The following NUP42 variants were observed in gnomAD, a reference collection of about 807,000 sequenced individuals.
NUP42 encodes the protein nucleoporin 42.
Under a neutral mutation model 35.9 loss-of-function variants are expected in NUP42, and 47 were observed. The observed-to-expected ratio is 1.31, with a 90% CI of 1.04 to 1.67. NUP42 has a LOEUF of 1.67. Among genes scored for constraint, NUP42 ranks in the 40% most tolerant of loss-of-function variants. The pLI is 0.00. For synonymous variants in NUP42, 173 were observed against 173.3 expected (o/e 1.00, Z 0.01); for missense variants, 514 against 492.2 (o/e 1.04, Z -0.42).
rs772427957 is a variant in NUP42, at chr7:23,200,234, T to A, written c.761T>A (p.Phe254Tyr). Residue 254 changes from phenylalanine to tyrosine, a missense_variant, in exon 7 of 7, where the codon TTT (phenylalanine) becomes TAT (tyrosine). Phe to Tyr is a conservative substitution (Grantham distance 22). Transcript: ENST00000258742. ...QNFSFKTNSG[F>Y]AAASSGSPAG... ...TTTAGTTTTAAAACAAACTCTGGAT[T>A]TGCTGCTGCCTCTTCTGGAAGCCCT... is the stretch of plus-strand genomic sequence containing the variant. The A allele has an allele frequency of 6.9e-6, 11 of 1,603,732 alleles. No homozygotes were observed. The African/African-American group carries it at 8.0e-5, about 12-fold the overall frequency.
intron 3 of NUP42, chr7:23,187,936 G>GTC (rs138098011): frequency 2.3e-4 from 111 of 479,054 alleles, no homozygotes; most frequent in East Asian, 6.8e-4. Flanking sequence ...AATATTCTCT[G>GTC]TCTCTCTCTC....
chr7:23,196,771 G>A lies in NUP42; in HGVS notation c.609+5G>A. 3.2e-6 allele frequency: 5 copies of A among 1,563,424 alleles called. No homozygotes were observed. Among genetic ancestry groups the A allele is most frequent in the Non-Finnish European group, 4.4e-6 (5 of 1,134,704 alleles). On this transcript the variant is annotated splice_donor_5th_base_variant and intron_variant, in intron 5 of 6. Coordinates refer to ENST00000258742, the MANE Select transcript of NUP42 (RefSeq NM_007342.3). ...ATATCAACTAAAGTAGCTTTGGTGA[G>A]TATGGGAGAGTTTTCTTGAGGGAAG...
At position 23,195,836 on chromosome 7, in the gene NUP42, C is replaced by T; in HGVS notation, c.446-3C>T. ...AAAGATTCCGATTGATTCCTCACTT[C>T]AGGTTTTACAGACATTTCACCAGAG... On this transcript the variant is annotated splice_polypyrimidine_tract_variant and splice_region_variant and intron_variant, in intron 3 of 6. Coordinates refer to ENST00000258742, the MANE Select transcript of NUP42 (RefSeq NM_007342.3). 2 of 1,587,766 alleles carry T rather than the reference C, an allele frequency of 1.3e-6. No homozygotes were observed. The highest frequency in any genetic ancestry group is 1.7e-6 in the Non-Finnish European group (2 of 1,162,336).
chr7:23,195,750 A>G, intron 3 of NUP42, 89 bp from the exon 4 acceptor site: 1 of 768,210 alleles, frequency 1.3e-6, no homozygotes, highest in South Asian at 1.7e-5. Context: ...TCTAATCAAC[A>G]TTAGATATTT....
At position 23,199,457 on chromosome 7, in the gene NUP42, G is replaced by A. The variant is rs768558485; in HGVS notation, c.610-1G>A. 10 of 1,608,342 alleles carry A rather than the reference G, an allele frequency of 6.2e-6. No homozygotes were observed. The Admixed American group carries it at 1.7e-4, about 27-fold the overall frequency. On this transcript the variant is annotated splice_acceptor_variant, in intron 5 of 6. Coordinates refer to ENST00000258742, the MANE Select transcript of NUP42 (RefSeq NM_007342.3). LOFTEE classifies it high-confidence loss of function. Reference sequence around the variant, plus strand: ...ATTATTTGCACACTTTTTTTTTTCAGCTCTCTGATGTAAAGGATGGAGTAA... The same window carrying A: ...ATTATTTGCACACTTTTTTTTTTCAACTCTCTGATGTAAAGGATGGAGTAA...
At chr7:23,191,427 G>C (rs1482470409) in intron 3 of NUP42, among the ~76,000 whole-genome samples, 1 of 152,218 alleles carries the variant, frequency 6.6e-6, no homozygotes, top group African/African-American at 2.4e-5. Context: ...TGGGTTCTCT[G>C]TTGGAGCTTG....
intron 2 of NUP42, among the ~76,000 whole-genome samples, chr7:23,186,464 C>T (rs1785599904): frequency 6.6e-6 from 1 of 152,122 alleles, no homozygotes; most frequent in Non-Finnish European, 1.5e-5. Flanking sequence ...GCCGAATCTA[C>T]CCACGGCATT....
In NUP42 at chr7:23,185,055, T is replaced by C; in HGVS notation, c.122-15T>C. ...AGTTGCTAGTAAAATTATTTTGTTT[T>C]ATTGTTTATTTTAGGTAATAATAGA... On this transcript the variant is annotated splice_polypyrimidine_tract_variant and intron_variant, in intron 1 of 6. Coordinates refer to ENST00000258742, the MANE Select transcript of NUP42 (RefSeq NM_007342.3). The C allele has an allele frequency of 1.9e-6, 3 of 1,581,490 alleles. No homozygotes were observed. The highest frequency in any genetic ancestry group is 1.2e-5 in the South Asian group (1 of 86,802).
At chr7:23,189,003 A>G (rs1785697486) in intron 3 of NUP42, among the ~76,000 whole-genome samples, 1 of 152,252 alleles carries the variant, frequency 6.6e-6, no homozygotes, top group African/African-American at 2.4e-5. Flanking sequence ...CTTGACCCTG[A>G]GTACGCACCT....
intron 1 of NUP42, 70 bp downstream of exon 1, chr7:23,182,276 G>A (rs999336419): frequency 6.5e-7 from 1 of 1,534,448 alleles, no homozygotes; most frequent in Non-Finnish European, 8.8e-7. Context: ...CGGGCGTCCC[G>A]CGTGTTTCCC....
chr7:23,182,522 A>C, intron 1 of NUP42: 1 of 1,085,910 alleles, frequency 9.2e-7, no homozygotes, highest in Non-Finnish European at 1.1e-6. Flanking sequence ...ATTTTTACTA[A>C]GTTGTTTTTT....
In NUP42 at chr7:23,200,181, TAAC is replaced by T. The variant is rs1788082948; in HGVS notation, c.710_712del (p.Asn237del). The stretch of plus-strand genomic sequence containing the variant: ...TGTTGTTTGTAGGCTTTCCAGTCAA[TAAC>T]AGCAGCAGTGATAATGCTCAGAACT... On this transcript the variant is annotated inframe_deletion, in exon 7 of 7. Coordinates refer to ENST00000258742, the MANE Select transcript of NUP42 (RefSeq NM_007342.3). The T allele has an allele frequency of 1.3e-6, 2 of 1,572,110 alleles. No homozygotes were observed. The highest frequency in any genetic ancestry group is 8.6e-7 in the Non-Finnish European group (1 of 1,158,404).
At chr7:23,187,942 C>T in intron 3 of NUP42, 1 of 288,084 alleles carries the variant, frequency 3.5e-6, no homozygotes, top group Non-Finnish European at 6.7e-6. Flanking sequence ...CTCTGTCTCT[C>T]TCTCTCTCTC....
intron 3 of NUP42, chr7:23,187,938 C>CTGGGGG: frequency 5.1e-6 from 1 of 195,462 alleles, no homozygotes; most frequent in Non-Finnish European, 1.0e-5. Context: ...TATTCTCTGT[C>CTGGGGG]TCTCTCTCTC....
At chr7:23,193,866 G>C (rs371911681) in intron 3 of NUP42, among the ~76,000 whole-genome samples, 20 of 152,350 alleles carry the variant, frequency 1.3e-4, no homozygotes, top group African/African-American at 4.1e-4. Flanking sequence ...TGCAGGTCCC[G>C]AGCCCTGCCC....
chr7:23,200,052 T>C, intron 6 of NUP42, 116 bp from the exon 7 acceptor site: 1 of 782,526 alleles, frequency 1.3e-6, no homozygotes. Flanking sequence ...AGTAAGCTTC[T>C]CAACACTGAA....
chr7:23,185,193 C>A lies in NUP42; in HGVS notation c.245C>A (p.Ser82Tyr), dbSNP rs1313202204. The A allele has an allele frequency of 1.5e-5, 24 of 1,613,954 alleles. No individual in the cohort carries two copies. The highest frequency in any genetic ancestry group is 5.3e-5 in the African/African-American group (4 of 74,896). ...SRDQEKPYFS[S>Y]FDSGASTNRK... ...GATCAAGAAAAGCCATATTTCAGTTCTTTTGATTCTGGAGCTTCAACTAAC... is the reference window on the plus strand; with the variant it reads ...GATCAAGAAAAGCCATATTTCAGTTATTTTGATTCTGGAGCTTCAACTAAC... Residue 82 changes from serine to tyrosine, a missense_variant, in exon 2 of 7, where the codon TCT becomes TAT. Coordinates refer to ENST00000258742, the MANE Select transcript of NUP42 (RefSeq NM_007342.3).
At chr7:23,196,360 T>C (rs1786010918) in intron 4 of NUP42, 1 of 244,554 alleles carries the variant, frequency 4.1e-6, no homozygotes, top group South Asian at 8.5e-5. Flanking sequence ...TTAAATGCTG[T>C]ATTTTTCTGT....
intron 3 of NUP42, chr7:23,187,978 A>G: frequency 1.3e-6 from 1 of 792,062 alleles, no homozygotes; most frequent in Non-Finnish European, 2.0e-6. Flanking sequence ...TTTGCTTTAG[A>G]ATATTCTCTC....
Sources: gnomAD v4.1 joint callset for allele counts (sites outside exome capture counted in the v4.1 genomes callset) on GRCh38, gnomAD v4.1.1 for gene constraint, MANE v1.5 for transcripts, NCBI Gene and HGNC (gene_info 2026-07-23, HGNC 2026-07-21) for gene names.